The following GPC5 variants were observed in gnomAD, a reference collection of about 807,000 sequenced individuals.
GPC5 encodes glypican 5.
In GPC5, 47 loss-of-function variants were observed where a neutral mutation model predicts 53.9. The ratio of observed to expected loss-of-function variants is 0.87; its 90% CI spans 0.69 to 1.11. The LOEUF is 1.11. GPC5 is among the 50% of genes most tolerant of loss of function. The probability of loss-of-function intolerance (pLI) is 0.00; values close to 1 mark genes in which losing one functional copy is unlikely to be tolerated. For missense variants in GPC5, 748 were observed against 713.1 expected, an observed-to-expected ratio of 1.05 and a Z score of -0.56; for synonymous variants, 286 against 263.3, an observed-to-expected ratio of 1.09 and a Z score of -0.84.
chr13:91,863,188 T>G (rs1245467980), intron 5 of GPC5, among the ~76,000 whole-genome samples: 1 of 152,094 alleles, frequency 6.6e-6, no homozygotes, highest in Non-Finnish European at 1.5e-5. Context: ...TATCACAGAA[T>G]GGGTGCTGCA....
At chr13:92,793,553 A>AC (rs761907007) in intron 7 of GPC5, among the ~76,000 whole-genome samples, 2 of 152,132 alleles carry the variant, frequency 1.3e-5, no homozygotes, top group Admixed American at 1.3e-4. Context: ...ACTGAGAGAG[A>AC]CAGAGACACA....
At chr13:92,493,744 G>C (rs961525023) in intron 7 of GPC5, among the ~76,000 whole-genome samples, 1 of 152,120 alleles carries the variant, frequency 6.6e-6, no homozygotes, top group African/African-American at 2.4e-5. Context: ...CTGAAGCAAA[G>C]CCTTTGGATT....
At chr13:92,578,845 C>A (rs1883272567) in intron 7 of GPC5, among the ~76,000 whole-genome samples, 1 of 152,102 alleles carries the variant, frequency 6.6e-6, no homozygotes, top group South Asian at 2.1e-4. Flanking sequence ...AGTGACTTGG[C>A]CTAGAAGATA....
At chr13:92,684,201 A>T (rs1328315715) in intron 7 of GPC5, among the ~76,000 whole-genome samples, 7 of 150,782 alleles carry the variant, frequency 4.6e-5, no homozygotes, top group African/African-American at 1.7e-4. Flanking sequence ...GGCTTCTTTC[A>T]CTCAGTATTA....
At chr13:91,432,377 C>T (rs1879559812) in intron 1 of GPC5, among the ~76,000 whole-genome samples, 2 of 152,102 alleles carry the variant, frequency 1.3e-5, no homozygotes, top group Admixed American at 6.6e-5. Flanking sequence ...TTAATGAACA[C>T]AGAAAACATC....
intron 7 of GPC5, among the ~76,000 whole-genome samples, chr13:92,304,777 A>G (rs2043100179): frequency 6.6e-6 from 1 of 152,196 alleles, no homozygotes; most frequent in Non-Finnish European, 1.5e-5. Flanking sequence ...CTTTGTACAA[A>G]TGGAAAATTT....
At chr13:91,577,168 G>T (rs2032169224) in intron 2 of GPC5, among the ~76,000 whole-genome samples, 1 of 152,156 alleles carries the variant, frequency 6.6e-6, no homozygotes, top group Non-Finnish European at 1.5e-5. Flanking sequence ...TTGACTGAAG[G>T]GTTGGATGAT....
intron 7 of GPC5, among the ~76,000 whole-genome samples, chr13:92,565,732 CACTT>C (rs1177271515): frequency 6.6e-6 from 1 of 152,022 alleles, no homozygotes. Context: ...TCATTTGCCA[CACTT>C]ACAACTAAAG....
At chr13:91,439,198 G>T (rs1045157544) in intron 1 of GPC5, among the ~76,000 whole-genome samples, 2 of 152,188 alleles carry the variant, frequency 1.3e-5, no homozygotes, top group Non-Finnish European at 2.9e-5. Flanking sequence ...TATACCCAAG[G>T]GGGGGACATT....
At chr13:92,290,045 T>C (rs2042982787) in intron 7 of GPC5, among the ~76,000 whole-genome samples, 1 of 152,186 alleles carries the variant, frequency 6.6e-6, no homozygotes, top group African/African-American at 2.4e-5. Flanking sequence ...CAGTTTATGA[T>C]ACTGAACCAC....
chr13:92,349,873 T>G (rs1430218633), intron 7 of GPC5, among the ~76,000 whole-genome samples: 1 of 152,176 alleles, frequency 6.6e-6, no homozygotes, highest in East Asian at 1.9e-4. Flanking sequence ...ACTCTTTCTT[T>G]AGCTCATTTA....
At chr13:92,199,300 C>T (rs1041344058) in intron 7 of GPC5, among the ~76,000 whole-genome samples, 5 of 152,126 alleles carry the variant, frequency 3.3e-5, no homozygotes, top group African/African-American at 1.2e-4. Flanking sequence ...CTAGCCTGAC[C>T]CACTCAATAT....
In GPC5 at chr13:92,221,908, T is replaced by C. The variant is rs118171165; in HGVS notation, c.1561+76919T>C. Among the ~76,000 whole-genome samples, 1,228 of 152,156 alleles carry C rather than the reference T, an allele frequency of 8.1e-3. 5 individuals are homozygous for C. Among genetic ancestry groups the C allele is most frequent in the Non-Finnish European group, 0.013 (900 of 67,988 alleles). ...ACATTTAAATTATAAACTTGGACAATATAATAGACTTTCTACTGTTAGTAT... is the reference window on the plus strand; with the variant it reads ...ACATTTAAATTATAAACTTGGACAACATAATAGACTTTCTACTGTTAGTAT... On this transcript the variant is annotated intron_variant, in intron 7 of 7. Coordinates refer to ENST00000377067, the MANE Select transcript of GPC5 (RefSeq NM_004466.6).
At chr13:92,563,692 A>G (rs978401710) in intron 7 of GPC5, among the ~76,000 whole-genome samples, 7 of 152,060 alleles carry the variant, frequency 4.6e-5, no homozygotes, top group Non-Finnish European at 8.8e-5. Flanking sequence ...TTCAATCTGA[A>G]GTGGTAAATA....
chr13:91,959,001 A>G (rs1016795949), intron 6 of GPC5, among the ~76,000 whole-genome samples: 1 of 151,556 alleles, frequency 6.6e-6, no homozygotes, highest in African/African-American at 2.4e-5. Flanking sequence ...AAAACCCCAA[A>G]TTGCTAGAAG....
At chr13:92,831,266 G>A (rs1878034193) in intron 7 of GPC5, among the ~76,000 whole-genome samples, 2 of 152,068 alleles carry the variant, frequency 1.3e-5, no homozygotes, top group South Asian at 4.1e-4. Context: ...TCTTGCACTT[G>A]AAGAGACCTA....
intron 6 of GPC5, among the ~76,000 whole-genome samples, chr13:91,977,038 C>CAATAAATAAATA (rs138005450): frequency 7.1e-6 from 1 of 141,732 alleles, no homozygotes; most frequent in Non-Finnish European, 1.5e-5. Flanking sequence ...GATTCTGTCT[C>CAATAAATAAATA]AATAAATAAA....
chr13:91,622,956 T>C (rs1170679506), intron 2 of GPC5, among the ~76,000 whole-genome samples: 2 of 152,116 alleles, frequency 1.3e-5, no homozygotes, highest in Non-Finnish European at 1.5e-5. Flanking sequence ...CATTATCATC[T>C]GTCTACCTCA....
At chr13:92,338,824 T>C (rs2043343611) in intron 7 of GPC5, among the ~76,000 whole-genome samples, 1 of 152,106 alleles carries the variant, frequency 6.6e-6, no homozygotes, top group African/African-American at 2.4e-5. Context: ...TACATGTTAT[T>C]ATACATTTGT....
Sources: gnomAD v4.1 joint callset for allele counts (sites outside exome capture counted in the v4.1 genomes callset) on GRCh38, gnomAD v4.1.1 for gene constraint, MANE v1.5 for transcripts, NCBI Gene and HGNC (gene_info 2026-07-23, HGNC 2026-07-21) for gene names.